SCRG1: variants seen among roughly 807,000 people sequenced by gnomAD.
SCRG1 encodes stimulator of chondrogenesis 1, also known as scrapie-responsive protein 1.
A neutral mutation model predicts 7.7 loss-of-function variants in SCRG1; 3 were observed. The ratio of observed to expected loss-of-function variants is 0.39; its 90% CI spans 0.18 to 1.01. The LOEUF (loss-of-function observed/expected upper bound fraction) is 1.01, where lower values mean the gene tolerates loss of function less well. Ranked by LOEUF, SCRG1 falls within the 50% of genes least tolerant of loss-of-function variation. The pLI is 0.36. For synonymous variants in SCRG1, 46 were observed against 41.2 expected, an observed-to-expected ratio of 1.12 and a Z score of -0.44; for missense variants, 110 against 117.2, an observed-to-expected ratio of 0.94 and a Z score of 0.28.
chr4:173,473,113 T>A, the SCRG1 span, among the ~76,000 whole-genome samples: 1 of 152,334 alleles, frequency 6.6e-6, no homozygotes, highest in East Asian at 1.9e-4. Flanking sequence ...CTTAATGTGT[T>A]GATTAATTCA....
chr4:173,413,788 C>T, the SCRG1 span, among the ~76,000 whole-genome samples: 1 of 152,206 alleles, frequency 6.6e-6, no homozygotes, highest in Non-Finnish European at 1.5e-5. Context: ...GATTATCTAA[C>T]TTTCCAGAGG....
Position 173,388,327 on chromosome 4 carries a change from AT to A in SCRG1, c.*13del. On this transcript the variant is annotated 3_prime_UTR_variant, in exon 3 of 3. Coordinates refer to ENST00000296506, the MANE Select transcript of SCRG1 (RefSeq NM_007281.4). ...GAAATCAGGAATGGTGTTCTCCAGA[AT>A]ACATGAAGATTCTCATTGATTGTTG... 1 of 1,603,406 alleles carries A rather than the reference AT, an allele frequency of 6.2e-7. No homozygotes were observed. Among genetic ancestry groups the A allele is most frequent in the Admixed American group, 1.7e-5 (1 of 59,688 alleles).
upstream of SCRG1, among the ~76,000 whole-genome samples, chr4:173,410,950 G>C (rs1473414741): frequency 6.6e-6 from 1 of 152,192 alleles, no homozygotes; most frequent in Non-Finnish European, 1.5e-5. Context: ...TCTCAGAGTA[G>C]ACTAGTTCTG....
the SCRG1 span, among the ~76,000 whole-genome samples, chr4:173,458,443 A>T: frequency 6.6e-6 from 1 of 152,234 alleles, no homozygotes; most frequent in Non-Finnish European, 1.5e-5. Context: ...TGTCTAAAAT[A>T]TTATTACTTT....
At chr4:173,425,883 A>G in the SCRG1 span, among the ~76,000 whole-genome samples, 1 of 152,188 alleles carries the variant, frequency 6.6e-6, no homozygotes, top group Admixed American at 6.5e-5. Flanking sequence ...AGCACTTACA[A>G]TGGGCCAGAC....
chr4:173,488,143 T>C, the SCRG1 span, among the ~76,000 whole-genome samples: 1 of 149,116 alleles, frequency 6.7e-6, no homozygotes, highest in Non-Finnish European at 1.5e-5. Flanking sequence ...ATTTAAAAAA[T>C]GGTCTTTTTC....
chr4:173,391,995 C>G (rs1739463050), intron 1 of SCRG1, among the ~76,000 whole-genome samples: 1 of 152,150 alleles, frequency 6.6e-6, no homozygotes, highest in Non-Finnish European at 1.5e-5. Flanking sequence ...GTACCCAAAG[C>G]TATATATCTT....
chr4:173,429,032 T>G, the SCRG1 span, among the ~76,000 whole-genome samples: 25 of 152,342 alleles, frequency 1.6e-4, no homozygotes, highest in Admixed American at 6.5e-4. Flanking sequence ...AATTGAAAGT[T>G]AATTTTGGTG....
At chr4:173,491,040 C>A in the SCRG1 span, among the ~76,000 whole-genome samples, 1 of 152,144 alleles carries the variant, frequency 6.6e-6, no homozygotes, top group Non-Finnish European at 1.5e-5. Context: ...ACAGGCATTG[C>A]AGCAACTCTC....
chr4:173,507,191 G>A, the SCRG1 span, among the ~76,000 whole-genome samples: 1 of 149,488 alleles, frequency 6.7e-6, no homozygotes, highest in Non-Finnish European at 1.5e-5. The surrounding 1 kb of genome is among the most constrained non-coding windows in gnomAD (Gnocchi z 4.4). Context: ...GCATGGCCCT[G>A]TTTTTCTGTT....
the SCRG1 span, chr4:173,468,770 A>G: frequency 1.3e-5 from 2 of 152,298 alleles, no homozygotes; most frequent in Middle Eastern, 3.4e-3. Flanking sequence ...CTACTTTGAA[A>G]CCCATCAATG....
the SCRG1 span, among the ~76,000 whole-genome samples, chr4:173,464,108 A>C: frequency 7.4e-6 from 1 of 136,018 alleles, no homozygotes; most frequent in African/African-American, 2.5e-5. Context: ...GGCTTCTAAA[A>C]GATATTATTA....
At chr4:173,481,727 C>T in the SCRG1 span, among the ~76,000 whole-genome samples, 1 of 152,164 alleles carries the variant, frequency 6.6e-6, no homozygotes, top group African/African-American at 2.4e-5. Context: ...AATATATTTT[C>T]TCTTCCTTGT....
chr4:173,402,150 G>A (rs897002234), upstream of SCRG1, among the ~76,000 whole-genome samples: 1 of 152,124 alleles, frequency 6.6e-6, no homozygotes, highest in Non-Finnish European at 1.5e-5. Flanking sequence ...AATCTTTTAT[G>A]TGACATAGAG....
chr4:173,440,353 A>G, the SCRG1 span, among the ~76,000 whole-genome samples: 12 of 152,216 alleles, frequency 7.9e-5, no homozygotes, highest in Non-Finnish European at 1.5e-4. Flanking sequence ...ATTCTAGGGG[A>G]ATGGGCACGG....
At chr4:173,421,551 A>C in the SCRG1 span, among the ~76,000 whole-genome samples, 1 of 152,310 alleles carries the variant, frequency 6.6e-6, no homozygotes, top group East Asian at 1.9e-4. Context: ...GTGGGCCTGG[A>C]TGGAGAGCTA....
chr4:173,491,435 G>T, the SCRG1 span, among the ~76,000 whole-genome samples: 1 of 152,104 alleles, frequency 6.6e-6, no homozygotes, highest in African/African-American at 2.4e-5. Context: ...CTGCCACAGA[G>T]TGGGAATGTG....
the SCRG1 span, among the ~76,000 whole-genome samples, chr4:173,427,702 C>T: frequency 6.6e-6 from 1 of 152,206 alleles, no homozygotes; most frequent in Non-Finnish European, 1.5e-5. Flanking sequence ...GGACAGCCCA[C>T]ACCTCTATAA....
the SCRG1 span, among the ~76,000 whole-genome samples, chr4:173,505,484 A>G: frequency 6.6e-6 from 1 of 152,128 alleles, no homozygotes; most frequent in African/African-American, 2.4e-5. This position sits in a 1 kb window ranked among gnomAD's most constrained non-coding sequence, Gnocchi z 4.4. Flanking sequence ...AGTGAAGAAA[A>G]AGGGAAAGGG....
Sources: allele counts gnomAD v4.1 joint callset (sites outside exome capture counted in the v4.1 genomes callset), GRCh38; gene constraint gnomAD v4.1.1; non-coding constraint Gnocchi (gnomAD v3.1); transcripts MANE v1.5; gene names NCBI Gene and HGNC (gene_info 2026-07-23, HGNC 2026-07-21).